Variants in CACNB4 observed in about 807,000 individuals in gnomAD.
CACNB4 encodes voltage-dependent L-type calcium channel subunit beta-4.
Under a neutral mutation model 71.2 loss-of-function variants are expected in CACNB4, and 32 were observed. The observed-to-expected ratio is 0.45, with a 90% CI of 0.34 to 0.60. The LOEUF (loss-of-function observed/expected upper bound fraction) is 0.60, where lower values mean the gene tolerates loss of function less well. CACNB4 is among the 20% of genes least tolerant of loss of function. The pLI, the probability that CACNB4 is intolerant of heterozygous loss-of-function variation, is 0.01. For synonymous variants in CACNB4, 231 were observed against 236.9 expected (o/e 0.97, Z 0.23); for missense variants, 464 against 647.9 (o/e 0.72, Z 3.08).
chr2:151,880,545 T>G, intron 4 of CACNB4: 1 of 474,892 alleles, frequency 2.1e-6, no homozygotes, highest in Admixed American at 4.0e-5. Context: ...CAGAGGACCA[T>G]AGAGGTCTGT....
chr2:151,932,689 G>A (rs1383072061), intron 2 of CACNB4, among the ~76,000 whole-genome samples: 2 of 151,966 alleles, frequency 1.3e-5, no homozygotes, highest in African/African-American at 4.8e-5. Flanking sequence ...ACAAAAATTA[G>A]CGTGGTGGCG....
At chr2:151,887,431 CAA>C (rs5835386) in intron 2 of CACNB4, among the ~76,000 whole-genome samples, 14,508 of 145,672 alleles carry the variant, frequency 0.1, 1,200 homozygotes, top group Admixed American at 0.22. Flanking sequence ...GACCCTGTCT[CAA>C]AAAAAAAAAA....
intron 3 of CACNB4, among the ~76,000 whole-genome samples, chr2:151,881,979 C>A (rs1446661142): frequency 6.8e-6 from 1 of 146,164 alleles, no homozygotes; most frequent in Non-Finnish European, 1.5e-5. Flanking sequence ...CTCCTGGGTT[C>A]AAGTGATTCT....
intron 2 of CACNB4, among the ~76,000 whole-genome samples, chr2:151,976,350 G>A (rs76022481): frequency 0.061 from 9,288 of 152,258 alleles, 552 homozygotes; most frequent in Admixed American, 0.19. Context: ...CTATACTGGA[G>A]TGTTCCTTCC....
intron 2 of CACNB4, among the ~76,000 whole-genome samples, chr2:152,050,941 A>AT (rs1685397509): frequency 6.6e-6 from 1 of 151,366 alleles, no homozygotes; most frequent in South Asian, 2.1e-4. Context: ...CATCCAGCTA[A>AT]TTTTTTTTAT....
chr2:152,045,464 A>G (rs1159914450), intron 2 of CACNB4, among the ~76,000 whole-genome samples: 2 of 152,218 alleles, frequency 1.3e-5, no homozygotes, highest in Non-Finnish European at 2.9e-5. Context: ...TGAGCTACCT[A>G]CAGTAGTCAA....
rs1327719509 is a variant in CACNB4 at position 151,860,922 on chromosome 2, G to C, written c.759-102C>G. The C allele has an allele frequency of 1.8e-5, 13 of 741,828 alleles. No homozygotes were observed. In the East Asian group the frequency reaches 3.0e-4, roughly 17 times the overall value. 46.0% of individuals were successfully genotyped at this position (741,828 alleles called of 1,614,324 possible). ...CTTAATAACCAATTTACATGCTACA[G>C]GGGAACCACAGTATAACAAACATTG... On this transcript the variant is annotated intron_variant, in intron 9 of 13. Coordinates refer to ENST00000539935, the MANE Select transcript of CACNB4 (RefSeq NM_000726.5).
chr2:151,928,782 G>A (rs1303693702), intron 2 of CACNB4, among the ~76,000 whole-genome samples: 1 of 151,944 alleles, frequency 6.6e-6, no homozygotes, highest in African/African-American at 2.4e-5. Flanking sequence ...AAATTAGCAG[G>A]GCATGGTGGT....
chr2:152,013,562 A>G (rs558936836), intron 2 of CACNB4, among the ~76,000 whole-genome samples: 19 of 152,228 alleles, frequency 1.2e-4, no homozygotes, highest in Admixed American at 4.6e-4. Flanking sequence ...GGGTTCACAT[A>G]GCAGAGAGGC....
chr2:152,021,212 G>T (rs1048860095), intron 2 of CACNB4, among the ~76,000 whole-genome samples: 1 of 152,060 alleles, frequency 6.6e-6, no homozygotes, highest in African/African-American at 2.4e-5. Context: ...GCATCACTGC[G>T]CTCCAGCCTG....
At chr2:152,070,392 G>T (rs1348393661) in intron 2 of CACNB4, among the ~76,000 whole-genome samples, 2 of 152,024 alleles carry the variant, frequency 1.3e-5, no homozygotes, top group Admixed American at 6.5e-5. Context: ...GTATTAGCTG[G>T]TTTGGGGTTG....
At chr2:151,892,088 C>T (rs2099850848) in intron 2 of CACNB4, among the ~76,000 whole-genome samples, 1 of 152,118 alleles carries the variant, frequency 6.6e-6, no homozygotes, top group Admixed American at 6.5e-5. Context: ...AGTATTTGTT[C>T]AGAAAATCCT....
At chr2:152,076,186 A>G (rs2105395233) in intron 2 of CACNB4, among the ~76,000 whole-genome samples, 1 of 117,156 alleles carries the variant, frequency 8.5e-6, no homozygotes, top group South Asian at 2.8e-4. Context: ...TCTGTCACCC[A>G]GGCTGGAGTG....
chr2:152,050,766 G>C (rs1685386807), intron 2 of CACNB4, among the ~76,000 whole-genome samples: 1 of 151,730 alleles, frequency 6.6e-6, no homozygotes, highest in Admixed American at 6.6e-5. Context: ...GGGTTTTTCT[G>C]CTTGTTTGTT....
At chr2:151,971,807 A>C in intron 2 of CACNB4, 1 of 564,398 alleles carries the variant, frequency 1.8e-6, no homozygotes, top group South Asian at 2.0e-5. Context: ...AATCCCGCCC[A>C]CCTGAAAGCC....
chr2:151,845,143 T>C (rs1017275417), intron 12 of CACNB4, among the ~76,000 whole-genome samples: 1 of 152,216 alleles, frequency 6.6e-6, no homozygotes, highest in African/African-American at 2.4e-5. Context: ...TAGTGGCACA[T>C]TTAATTGCCA....
At chr2:152,057,681 A>T (rs565726336) in intron 2 of CACNB4, among the ~76,000 whole-genome samples, 1 of 152,288 alleles carries the variant, frequency 6.6e-6, no homozygotes, top group African/African-American at 2.4e-5. Context: ...ATACATACAC[A>T]CATGCACACA....
At chr2:152,091,981 G>C (rs994509101) in intron 2 of CACNB4, among the ~76,000 whole-genome samples, 1 of 152,198 alleles carries the variant, frequency 6.6e-6, no homozygotes, top group African/African-American at 2.4e-5. Flanking sequence ...GATCTGAGAG[G>C]AATAAGCTCC....
In CACNB4 at chr2:151,900,433, C is replaced by T. The variant is rs141269042; in HGVS notation, c.148-17063G>A. The stretch of plus-strand genomic sequence containing the variant: ...CATGATCTGCTGGGGGCAGAGAAAA[C>T]GTTGCGAAGGCATTTCAAGAAAAGG... On this transcript the variant is annotated intron_variant, in intron 2 of 13. Coordinates refer to ENST00000539935, the MANE Select transcript of CACNB4 (RefSeq NM_000726.5). 2.9e-3 allele frequency among the ~76,000 whole-genome samples: 443 copies of T among 152,270 alleles called. 2 individuals carry two copies. The highest frequency in any genetic ancestry group is 4.3e-3 in the Admixed American group (66 of 15,276).
Sources: gnomAD v4.1 joint callset for allele counts (sites outside exome capture counted in the v4.1 genomes callset) on GRCh38, gnomAD v4.1.1 for gene constraint, MANE v1.5 for transcripts, NCBI Gene and HGNC (gene_info 2026-07-23, HGNC 2026-07-21) for gene names.